RIPK2: variants seen among roughly 807,000 people sequenced by gnomAD.
The protein encoded by RIPK2 is receptor interacting serine/threonine kinase 2.
Under a neutral mutation model 60.9 loss-of-function variants are expected in RIPK2, and 38 were observed. That is an observed-to-expected ratio of 0.62 (90% confidence interval 0.48 to 0.82). RIPK2 has a LOEUF of 0.82. RIPK2 is among the 40% of genes least tolerant of loss of function. The probability of loss-of-function intolerance (pLI) is 0.00; values close to 1 mark genes in which losing one functional copy is unlikely to be tolerated. For missense variants in RIPK2, 518 were observed against 647.0 expected, an observed-to-expected ratio of 0.80 and a Z score of 2.16; for synonymous variants, 225 against 223.4, an observed-to-expected ratio of 1.01 and a Z score of -0.06.
intron 4 of RIPK2, 144 bp from the exon 5 acceptor site, chr8:89,771,597 A>T: frequency 2.0e-6 from 1 of 510,328 alleles, no homozygotes; most frequent in Non-Finnish European, 3.4e-6. Flanking sequence ...AGCATTTATC[A>T]TCTTCATTGT....
chr8:89,770,294 A>G (rs1586122574), intron 4 of RIPK2, among the ~76,000 whole-genome samples: 1 of 151,834 alleles, frequency 6.6e-6, no homozygotes. Flanking sequence ...TGATATCTAT[A>G]TATCTTTTTA....
intron 1 of RIPK2, 60 bp from the exon 2 acceptor site, chr8:89,762,769 T>C (rs1371615107): frequency 2.0e-6 from 2 of 990,830 alleles, no homozygotes; most frequent in Non-Finnish European, 2.8e-6. Context: ...CTTAGTCTTA[T>C]AGGCATGATA....
At chr8:89,766,950 G>C (rs1451702586) in intron 3 of RIPK2, among the ~76,000 whole-genome samples, 1 of 151,564 alleles carries the variant, frequency 6.6e-6, no homozygotes, top group Non-Finnish European at 1.5e-5. Flanking sequence ...CCCAGTTATA[G>C]TTTGTCTTTT....
intron 8 of RIPK2, 140 bp downstream of exon 8, chr8:89,784,279 C>T: frequency 1.8e-6 from 1 of 542,136 alleles, no homozygotes; most frequent in Admixed American, 3.6e-5. Flanking sequence ...TTTGGTAGCT[C>T]ATGTCAATCT....
chr8:89,780,893 C>T (rs923313944), intron 7 of RIPK2: 3 of 150,710 alleles, frequency 2.0e-5, no homozygotes, highest in African/African-American at 7.3e-5. Context: ...ATTAAATACT[C>T]AGTCTGATTC....
intron 9 of RIPK2, among the ~76,000 whole-genome samples, chr8:89,788,214 A>C (rs1042271902): frequency 2.6e-5 from 4 of 151,736 alleles, no homozygotes; most frequent in Non-Finnish European, 5.9e-5. Context: ...ATGGTGGTGC[A>C]CACCTGTAAT....
chr8:89,780,033 G>A, intron 6 of RIPK2, 42 bp from the exon 7 acceptor site: 2 of 968,432 alleles, frequency 2.1e-6, no homozygotes, highest in Non-Finnish European at 3.2e-6. Flanking sequence ...TTAATACTTA[G>A]AAGCAATCTG....
At chr8:89,764,153 A>G (rs1809188647) in intron 2 of RIPK2, among the ~76,000 whole-genome samples, 1 of 152,098 alleles carries the variant, frequency 6.6e-6, no homozygotes, top group Non-Finnish European at 1.5e-5. Flanking sequence ...TAAACTGCAT[A>G]ATTTTCAGAA....
chr8:89,759,519 G>A (rs1041965615), intron 1 of RIPK2: 2 of 409,358 alleles, frequency 4.9e-6, no homozygotes, highest in Non-Finnish European at 9.9e-6. Context: ...CCTGCCTGTG[G>A]CTTTTCTTCA....
At chr8:89,777,536 T>C (rs886574490) in intron 6 of RIPK2, among the ~76,000 whole-genome samples, 11 of 152,164 alleles carry the variant, frequency 7.2e-5, no homozygotes, top group Non-Finnish European at 1.3e-4. Context: ...TTAACTGAAA[T>C]GGCCTATAAA....
At chr8:89,788,838 GGAAGGAAGGAAA>G (rs1315668101) in intron 9 of RIPK2, among the ~76,000 whole-genome samples, 2 of 151,716 alleles carry the variant, frequency 1.3e-5, no homozygotes, top group Admixed American at 6.6e-5. Context: ...GAGGGAGGAA[GGAAGGAAGGAAA>G]GAAGGAAGGA....
At chr8:89,789,960 A>G in intron 10 of RIPK2, 119 bp from the exon 11 acceptor site, 1 of 708,692 alleles carries the variant, frequency 1.4e-6, no homozygotes, top group East Asian at 2.7e-5. Context: ...TTGGTGTTCC[A>G]TATTGGCACA....
chr8:89,788,346 T>TA (rs370154624), intron 9 of RIPK2, among the ~76,000 whole-genome samples: 32 of 145,010 alleles, frequency 2.2e-4, no homozygotes, highest in Middle Eastern at 3.5e-3. Context: ...CTATCTCAAT[T>TA]AAAAAAAAAA....
At chr8:89,785,443 CA>C (rs371898810) in intron 8 of RIPK2, among the ~76,000 whole-genome samples, 6,996 of 142,674 alleles carry the variant, frequency 0.049, 201 homozygotes, top group African/African-American at 0.092. Context: ...GACTCCACCT[CA>C]AAAAAAAAAA....
chr8:89,777,967 T>A (rs1182998296), intron 6 of RIPK2, among the ~76,000 whole-genome samples: 2 of 152,032 alleles, frequency 1.3e-5, no homozygotes, highest in African/African-American at 2.4e-5. Context: ...TGGAAGAACA[T>A]GAAATTACAA....
At chr8:89,771,648 T>G in intron 4 of RIPK2, 93 bp from the exon 5 acceptor site, 1 of 750,126 alleles carries the variant, frequency 1.3e-6, no homozygotes, top group Non-Finnish European at 2.2e-6. Context: ...TGAAAAATGG[T>G]ATCTTCAGTC....
At chr8:89,773,755 G>T (rs1350380128) in intron 6 of RIPK2, among the ~76,000 whole-genome samples, 1 of 152,154 alleles carries the variant, frequency 6.6e-6, no homozygotes. Context: ...TATTTCAGAG[G>T]TAGAATGGAT....
chr8:89,772,828 A>T lies in RIPK2; in HGVS notation c.853A>T (p.Lys285Ter). 1 of 1,600,596 alleles carries T rather than the reference A, an allele frequency of 6.2e-7. No homozygotes were observed. The highest frequency in any genetic ancestry group is 8.5e-7 in the Non-Finnish European group (1 of 1,172,086). Reference protein sequence around the residue: ...QNPDERPSFLKCLIELEPVLR... With the variant: ...QNPDERPSFL ...TCCAGATGAAAGACCATCTTTCTTA[A>T]GTGAGTATATAGTTTTAACCTAGAC... The change falls in exon 6 of 11, where the codon AAA (lysine) becomes TAA (stop). Residue 285 changes from lysine to a stop codon, truncating the protein, a stop_gained and splice_region_variant. Coordinates refer to ENST00000220751, the MANE Select transcript of RIPK2 (RefSeq NM_003821.6). LOFTEE classifies it high-confidence loss of function.
chr8:89,783,901 C>T (rs1809540503), intron 7 of RIPK2, 149 bp from the exon 8 acceptor site: 4 of 454,154 alleles, frequency 8.8e-6, no homozygotes, highest in Admixed American at 4.1e-5. Context: ...CTGTCTTTTC[C>T]TTCAGTTATA....
Sources: allele counts gnomAD v4.1 joint callset (sites outside exome capture counted in the v4.1 genomes callset), GRCh38; gene constraint gnomAD v4.1.1; transcripts MANE v1.5; gene names NCBI Gene and HGNC (gene_info 2026-07-23, HGNC 2026-07-21).